Variants in KCNIP4 observed in about 807,000 individuals in gnomAD.
The protein encoded by KCNIP4 is potassium voltage-gated channel interacting protein 4, also known as Kv channel-interacting protein 4.
In KCNIP4, 12 loss-of-function variants were observed where a neutral mutation model predicts 34.0. That is an observed-to-expected ratio of 0.35 (90% CI 0.23 to 0.57). KCNIP4 has a LOEUF of 0.57. Among genes scored for constraint, KCNIP4 ranks in the 20% least tolerant of loss-of-function variants. KCNIP4 has a pLI of 0.83. For synonymous variants in KCNIP4, 124 were observed against 102.2 expected (o/e 1.21, Z -1.29); for missense variants, 238 against 311.7 (o/e 0.76, Z 1.78).
intron 1 of KCNIP4, among the ~76,000 whole-genome samples, chr4:21,869,771 T>TAGACAGAC (rs1229625346): frequency 3.5e-4 from 43 of 123,160 alleles, no homozygotes; most frequent in African/African-American, 1.1e-3. Flanking sequence ...GATAGATAGA[T>TAGACAGAC]AGATAGATAG....
intron 1 of KCNIP4, among the ~76,000 whole-genome samples, chr4:21,072,486 G>GT (rs1336413704): frequency 1.5e-4 from 23 of 150,128 alleles, no homozygotes; most frequent in African/African-American, 5.5e-4. Context: ...TTTTTGATGG[G>GT]GTTTTTTTTT....
At chr4:20,859,973 G>A (rs755004808) in intron 2 of KCNIP4, among the ~76,000 whole-genome samples, 38 of 152,174 alleles carry the variant, frequency 2.5e-4, no homozygotes, top group Non-Finnish European at 4.4e-5. Context: ...ACACTGTGAG[G>A]CTGTTGCCTT....
At chr4:21,600,354 A>C (rs528711372) in intron 1 of KCNIP4, among the ~76,000 whole-genome samples, 71 of 152,166 alleles carry the variant, frequency 4.7e-4, no homozygotes, top group Admixed American at 1.9e-3. Context: ...ATAGAACTAA[A>C]GTTTTACTTT....
At chr4:21,645,306 A>G (rs182203218) in intron 1 of KCNIP4, among the ~76,000 whole-genome samples, 7 of 152,288 alleles carry the variant, frequency 4.6e-5, no homozygotes, top group Non-Finnish European at 1.0e-4. Flanking sequence ...TAAGCAATAG[A>G]ACCGAAATTC....
intron 1 of KCNIP4, among the ~76,000 whole-genome samples, chr4:21,831,471 T>G (rs550181220): frequency 6.6e-6 from 1 of 151,630 alleles, no homozygotes; most frequent in Non-Finnish European, 1.5e-5. Flanking sequence ...GGAATCACAC[T>G]TAACAACTGA....
intron 3 of KCNIP4, among the ~76,000 whole-genome samples, chr4:20,822,667 G>T (rs1253017823): frequency 1.3e-5 from 2 of 152,152 alleles, no homozygotes; most frequent in Non-Finnish European, 2.9e-5. Flanking sequence ...AATCTTTGAG[G>T]CTACTGGGAT....
chr4:21,007,632 G>A (rs181378707), intron 1 of KCNIP4, among the ~76,000 whole-genome samples: 1 of 152,220 alleles, frequency 6.6e-6, no homozygotes, highest in African/African-American at 2.4e-5. Context: ...CAAAGCAAGT[G>A]AAAGAAATGT....
chr4:21,330,629 T>G lies in KCNIP4; in HGVS notation c.62-447920A>C, dbSNP rs115909239. 3.6e-3 allele frequency among the ~76,000 whole-genome samples: 547 copies of G among 152,312 alleles called. 4 individuals carry two copies. The highest frequency in any genetic ancestry group is 0.011 in the African/African-American group (470 of 41,562). ...GTATTTAATCCTATTTGAATTTAAT[T>G]GAAACCCTATAGAGCATTCCGCATG... On this transcript the variant is annotated intron_variant, in intron 1 of 8. Transcript: ENST00000382152.
In KCNIP4 at chr4:21,501,276, G is replaced by GCACACACA. The variant is rs1180238316; in HGVS notation, c.61+447294_61+447295insTGTGTGTG. ...CACACACACACACACACACACACAT[G>GCACACACA]CCATGTCCTAACTTGAGCAAATCAC... On this transcript the variant is annotated intron_variant, in intron 1 of 8. Transcript: ENST00000382152. Among the ~76,000 whole-genome samples the GCACACACA allele has an allele frequency of 1.5e-3, 178 of 121,374 alleles. 1 individual carries two copies. The highest frequency in any genetic ancestry group is 0.014 in the East Asian group (66 of 4,744). The allele number at this position is 121,374 out of a possible 152,430, so 79.6% of individuals were successfully genotyped here.
At chr4:21,877,300 C>G (rs545750784) in intron 1 of KCNIP4, among the ~76,000 whole-genome samples, 1 of 152,102 alleles carries the variant, frequency 6.6e-6, no homozygotes, top group East Asian at 1.9e-4. Flanking sequence ...TTGCAGTGAG[C>G]TGAGATGGCA....
At chr4:20,862,692 A>T (rs1722331596) in intron 2 of KCNIP4, among the ~76,000 whole-genome samples, 1 of 152,184 alleles carries the variant, frequency 6.6e-6, no homozygotes, top group African/African-American at 2.4e-5. Context: ...AACACTATTC[A>T]CAATAGCAAA....
At chr4:21,845,567 C>T (rs1032659530) in intron 1 of KCNIP4, 4 of 152,034 alleles carry the variant, frequency 2.6e-5, no homozygotes, top group African/African-American at 4.8e-5. Context: ...TAAGTGTTTA[C>T]CTACTTTTCT....
Position 20,729,463 on chromosome 4 carries a change from A to ATAAT in KCNIP4, c.*615_*618dup, listed in dbSNP as rs1299112341. The ATAAT allele has an allele frequency of 1.3e-5, 2 of 150,250 alleles. No homozygotes were observed. The highest frequency in any genetic ancestry group is 3.0e-5 in the Non-Finnish European group (2 of 67,530). The allele number at this position is 150,250 out of a possible 1,614,324, so 9.3% of individuals were successfully genotyped here. Reference sequence around the variant, plus strand: ...TTTATTAGGCATATGCTGATATCTGATAATAAACTAATTTTTAAATGTTTA... The same window carrying ATAAT: ...TTTATTAGGCATATGCTGATATCTGATAATTAATAAACTAATTTTTAAATGTTTA... On this transcript the variant is annotated 3_prime_UTR_variant, in exon 9 of 9. Transcript: ENST00000382152.
intron 1 of KCNIP4, among the ~76,000 whole-genome samples, chr4:21,282,942 G>A (rs756919136): frequency 2.6e-5 from 4 of 152,194 alleles, no homozygotes; most frequent in South Asian, 2.1e-4. Flanking sequence ...CCAAATCTCC[G>A]TCAACTGCTG....
chr4:21,644,947 G>A lies in KCNIP4; in HGVS notation c.61+303624C>T, dbSNP rs147797172. Among the ~76,000 whole-genome samples the A allele has an allele frequency of 2.0e-3, 298 of 152,218 alleles. 2 individuals carry two copies. Among genetic ancestry groups the A allele is most frequent in the African/African-American group, 6.8e-3 (283 of 41,558 alleles). Reference sequence around the variant, plus strand: ...TGTTTGCAAATAAATATCTGAGACTGTGGAATCCAAGAGTATCTGAGCTTA... The same window carrying A: ...TGTTTGCAAATAAATATCTGAGACTATGGAATCCAAGAGTATCTGAGCTTA... On this transcript the variant is annotated intron_variant, in intron 1 of 8. Transcript: ENST00000382152.
intron 1 of KCNIP4, among the ~76,000 whole-genome samples, chr4:20,907,563 G>A (rs1265196597): frequency 6.6e-6 from 1 of 152,040 alleles, no homozygotes; most frequent in Non-Finnish European, 1.5e-5. Flanking sequence ...GTTTTTTTGA[G>A]TAAACTGCTA....
At chr4:21,603,348 T>A (rs1349516249) in intron 1 of KCNIP4, among the ~76,000 whole-genome samples, 1 of 151,834 alleles carries the variant, frequency 6.6e-6, no homozygotes, top group Non-Finnish European at 1.5e-5. Flanking sequence ...TTTGCAAGAT[T>A]GTGTGGGAAA....
chr4:21,247,633 ATATATCTATATATT>A (rs1304092218), intron 1 of KCNIP4, among the ~76,000 whole-genome samples: 1 of 143,082 alleles, frequency 7.0e-6, no homozygotes, highest in Non-Finnish European at 1.5e-5. Flanking sequence ...ATATATTTAG[ATATATCTATATATT>A]TATATCTATA....
At chr4:21,365,932 T>C (rs1719725429) in intron 1 of KCNIP4, among the ~76,000 whole-genome samples, 1 of 152,228 alleles carries the variant, frequency 6.6e-6, no homozygotes, top group Non-Finnish European at 1.5e-5. Context: ...TGCTATTCTG[T>C]TTTCTCATGC....
Sources: gnomAD v4.1 joint callset for allele counts (sites outside exome capture counted in the v4.1 genomes callset) on GRCh38, gnomAD v4.1.1 for gene constraint, MANE v1.5 for transcripts, NCBI Gene and HGNC (gene_info 2026-07-23, HGNC 2026-07-21) for gene names.